Variants in GRAMD2B observed in about 807,000 individuals in gnomAD.
The protein encoded by GRAMD2B is GRAM domain-containing protein 2B.
Under a neutral mutation model 59.2 loss-of-function variants are expected in GRAMD2B, and 41 were observed. The ratio of observed to expected loss-of-function variants is 0.69; its 90% CI spans 0.54 to 0.90. The LOEUF (loss-of-function observed/expected upper bound fraction) is 0.90. Ranked by LOEUF, GRAMD2B falls within the 40% of genes least tolerant of loss-of-function variation. GRAMD2B has a pLI of 0.00. For missense variants in GRAMD2B, 424 were observed against 500.5 expected, an observed-to-expected ratio of 0.85 and a Z score of 1.46; for synonymous variants, 161 against 182.7, an observed-to-expected ratio of 0.88 and a Z score of 0.96.
At chr5:126,466,355 C>T (rs114677996) in intron 2 of GRAMD2B, 15,351 of 1,048,412 alleles carry the variant, frequency 0.015, 234 homozygotes, top group South Asian at 0.042. Flanking sequence ...TAACTCCTCC[C>T]GAAATTTTCC....
intron 1 of GRAMD2B, among the ~76,000 whole-genome samples, chr5:126,402,260 A>G (rs530620280): frequency 1.1e-3 from 171 of 152,178 alleles, no homozygotes; most frequent in African/African-American, 4.0e-3. Flanking sequence ...AAGTGGAAAA[A>G]GGAAAAGTGG....
At chr5:126,487,111 G>A (rs1773095034) in intron 12 of GRAMD2B, 134 bp downstream of exon 12, 2 of 606,308 alleles carry the variant, frequency 3.3e-6, no homozygotes, top group Admixed American at 5.2e-5. Context: ...AAGTGTATAT[G>A]TGGAAAGTAA....
intron 1 of GRAMD2B, among the ~76,000 whole-genome samples, chr5:126,364,320 TG>T (rs1016099161): frequency 4.5e-4 from 68 of 152,314 alleles, no homozygotes; most frequent in African/African-American, 1.5e-3. Flanking sequence ...TTGCAAACTA[TG>T]GGGAGGAAAT....
At chr5:126,401,487 G>T (rs1757829841) in intron 1 of GRAMD2B, among the ~76,000 whole-genome samples, 2 of 151,954 alleles carry the variant, frequency 1.3e-5, no homozygotes, top group African/African-American at 4.8e-5. Context: ...TGTTCCTTTG[G>T]TGGAATCATG....
chr5:126,477,475 T>C (rs1581223472), intron 5 of GRAMD2B, among the ~76,000 whole-genome samples: 1 of 152,242 alleles, frequency 6.6e-6, no homozygotes, highest in East Asian at 1.9e-4. Flanking sequence ...CAATTGATGA[T>C]TAAGATTTAT....
chr5:126,420,514 T>C (rs1027575033), upstream of GRAMD2B, among the ~76,000 whole-genome samples: 6 of 152,184 alleles, frequency 3.9e-5, no homozygotes, highest in South Asian at 4.1e-4. Context: ...CCTCACCTGC[T>C]CCTTCTCACT....
At chr5:126,432,340 G>A (rs1761711824) in intron 1 of GRAMD2B, among the ~76,000 whole-genome samples, 1 of 152,170 alleles carries the variant, frequency 6.6e-6, no homozygotes, top group South Asian at 2.1e-4. Context: ...CCCAACTTGT[G>A]CAGTAAGTTA....
At chr5:126,430,772 A>T (rs1370312274) in intron 1 of GRAMD2B, among the ~76,000 whole-genome samples, 1 of 152,248 alleles carries the variant, frequency 6.6e-6, no homozygotes, top group South Asian at 2.1e-4. Context: ...TCAGTGCCTT[A>T]TACTTTGTAA....
At chr5:126,391,524 A>G (rs947680234) in intron 1 of GRAMD2B, among the ~76,000 whole-genome samples, 12 of 152,146 alleles carry the variant, frequency 7.9e-5, no homozygotes, top group African/African-American at 2.7e-4. Context: ...TAATAGCCAA[A>G]AAATGGAGAC....
At chr5:126,361,309 T>G (rs953047844) in intron 1 of GRAMD2B, among the ~76,000 whole-genome samples, 5 of 152,096 alleles carry the variant, frequency 3.3e-5, no homozygotes, top group Non-Finnish European at 1.5e-5. Context: ...TGATGGGAAC[T>G]GAAAACATAA....
chr5:126,364,298 G>C (rs1043039743), intron 1 of GRAMD2B, among the ~76,000 whole-genome samples: 11 of 152,170 alleles, frequency 7.2e-5, no homozygotes, highest in Admixed American at 7.2e-4. Context: ...TATGTACTGA[G>C]TCTGGATCTA....
chr5:126,482,730 A>C (rs1057490056), intron 8 of GRAMD2B, among the ~76,000 whole-genome samples: 2 of 152,236 alleles, frequency 1.3e-5, no homozygotes, highest in Non-Finnish European at 2.9e-5. Context: ...TTTGCTTACA[A>C]GATGAGTCTC....
At chr5:126,409,935 T>TTAAATAGGGAATCCTTTCCCC (rs777755693) in intron 1 of GRAMD2B, among the ~76,000 whole-genome samples, 134,826 of 141,442 alleles carry the variant, frequency 0.95, 64,259 homozygotes, top group East Asian at 0.99. Context: ...GCACCATTTA[T>TTAAATAGGGAATCCTTTCCCC]TAAATAGGGA....
At chr5:126,422,451 G>A (rs148219963), upstream of GRAMD2B, among the ~76,000 whole-genome samples, 1,953 of 152,198 alleles carry the variant, frequency 0.013, 28 homozygotes, top group African/African-American at 0.045. Flanking sequence ...CACCCGCCTC[G>A]GCCTCCCAAA....
rs183316368 is a variant in GRAMD2B at position 126,471,893 on chromosome 5, C to T, written c.316-345C>T. 2.2e-4 allele frequency among the ~76,000 whole-genome samples: 34 copies of T among 152,314 alleles called. 1 individual carries two copies. Among genetic ancestry groups the T allele is most frequent in the Non-Finnish European group, 3.5e-4 (24 of 68,032 alleles). ...CTCTTCTGAGAGTACTCACTGGTAC[C>T]TTTAGTACCTGGGATCCAGTATCTT... is the stretch of plus-strand genomic sequence containing the variant. On this transcript the variant is annotated intron_variant, in intron 3 of 13. Transcript: ENST00000285689.
At chr5:126,367,309 G>A (rs1296811622), upstream of GRAMD2B, among the ~76,000 whole-genome samples, 1 of 152,120 alleles carries the variant, frequency 6.6e-6, no homozygotes, top group East Asian at 1.9e-4. Context: ...AGAAAATCTC[G>A]TTTATTTCTA....
chr5:126,483,572 G>C lies in GRAMD2B; in HGVS notation c.845G>C (p.Arg282Pro). The C allele has an allele frequency of 1.9e-6, 3 of 1,570,686 alleles. No homozygotes were observed. The highest frequency in any genetic ancestry group is 2.6e-6 in the Non-Finnish European group (3 of 1,142,894). Reference protein sequence around the residue: ...GSQTPESENSRDFHATESQTV... With the variant: ...GSQTPESENSPDFHATESQTV... ...CAAACTCCTGAATCTGAGAACTCTC[G>C]AGGTTTGGGAAATTGTTGTATTTTG... Residue 282 changes from arginine to proline, a missense_variant and splice_region_variant, in exon 9 of 14, where the codon CGA becomes CCA. Arg to Pro is a moderately radical substitution (Grantham distance 103). Transcript: ENST00000285689.
intron 1 of GRAMD2B, among the ~76,000 whole-genome samples, chr5:126,445,023 G>C (rs1763953360): frequency 6.6e-6 from 1 of 152,186 alleles, no homozygotes; most frequent in African/African-American, 2.4e-5. Context: ...CAAAGGACAT[G>C]ATCTCAGTCT....
At chr5:126,447,628 C>T (rs1158913209) in intron 1 of GRAMD2B, among the ~76,000 whole-genome samples, 1 of 148,114 alleles carries the variant, frequency 6.8e-6, no homozygotes, top group African/African-American at 2.5e-5. Context: ...CGTGCCACTG[C>T]ACTCCAGCCT....
Sources: allele counts gnomAD v4.1 joint callset (sites outside exome capture counted in the v4.1 genomes callset), GRCh38; gene constraint gnomAD v4.1.1; transcripts MANE v1.5; gene names NCBI Gene and HGNC (gene_info 2026-07-23, HGNC 2026-07-21).